The following ABLIM1 variants were observed in gnomAD, a reference collection of about 807,000 sequenced individuals.
The protein encoded by ABLIM1 is actin binding LIM protein 1, also known as actin-binding LIM protein 1.
In ABLIM1, 40 loss-of-function variants were observed where a neutral mutation model predicts 107.0. The ratio of observed to expected loss-of-function variants is 0.37; its 90% CI spans 0.29 to 0.49. The LOEUF (loss-of-function observed/expected upper bound fraction) is 0.49. ABLIM1 is among the 20% of genes least tolerant of loss of function. ABLIM1 has a pLI of 0.97. For synonymous variants in ABLIM1, 357 were observed against 357.3 expected, an observed-to-expected ratio of 1.00 and a Z score of 0.01; for missense variants, 857 against 1,008.5, an observed-to-expected ratio of 0.85 and a Z score of 2.04.
chr10:114,594,064 G>T (rs1223076218), intron 2 of ABLIM1, among the ~76,000 whole-genome samples: 7 of 152,168 alleles, frequency 4.6e-5, no homozygotes, highest in African/African-American at 1.7e-4. Context: ...GTTTGTGAAT[G>T]ACTAAGATTC....
At chr10:114,677,097 G>A (rs543700768) in intron 1 of ABLIM1, among the ~76,000 whole-genome samples, 4 of 152,150 alleles carry the variant, frequency 2.6e-5, no homozygotes, top group Admixed American at 2.6e-4. Context: ...CCCTCCCTCT[G>A]GGGGACCCTC....
At chr10:114,737,281 T>G (rs1324698945) in intron 1 of ABLIM1, among the ~76,000 whole-genome samples, 2 of 152,168 alleles carry the variant, frequency 1.3e-5, no homozygotes, top group African/African-American at 2.4e-5. Context: ...CACTCCAGCC[T>G]GGGCAACACA....
intron 4 of ABLIM1, among the ~76,000 whole-genome samples, chr10:114,567,591 A>T (rs1021954885): frequency 6.6e-6 from 1 of 152,198 alleles, no homozygotes; most frequent in Admixed American, 6.5e-5. Flanking sequence ...AACAATACAG[A>T]CATGGCAGCT....
intron 1 of ABLIM1, among the ~76,000 whole-genome samples, chr10:114,731,725 T>C (rs961159821): frequency 1.3e-5 from 2 of 152,124 alleles, no homozygotes; most frequent in Non-Finnish European, 1.5e-5. Flanking sequence ...TTCTCCTGCC[T>C]CAGCCTCCCA....
At chr10:114,553,062 C>T (rs2068274074) in intron 4 of ABLIM1, among the ~76,000 whole-genome samples, 2 of 151,390 alleles carry the variant, frequency 1.3e-5, no homozygotes, top group East Asian at 1.9e-4. Context: ...AGCCTGGGCA[C>T]CTATGTTCTC....
chr10:114,635,140 C>T (rs975297875), intron 1 of ABLIM1, among the ~76,000 whole-genome samples: 1 of 152,174 alleles, frequency 6.6e-6, no homozygotes, highest in Non-Finnish European at 1.5e-5. Flanking sequence ...ATACGGACAC[C>T]AACCCACGGT....
chr10:114,488,985 G>C (rs2058562169), intron 7 of ABLIM1, among the ~76,000 whole-genome samples: 1 of 152,116 alleles, frequency 6.6e-6, no homozygotes, highest in Admixed American at 6.6e-5. Flanking sequence ...ATGAATATCA[G>C]AGTTTCCACA....
chr10:114,440,210 T>C, intron 19 of ABLIM1, 121 bp from the exon 20 acceptor site: 4 of 1,035,870 alleles, frequency 3.9e-6, no homozygotes, highest in Non-Finnish European at 5.8e-6. Context: ...ATGTTCTTTT[T>C]CTGCTCCCAG....
At chr10:114,550,442 G>A (rs758573031) in intron 4 of ABLIM1, among the ~76,000 whole-genome samples, 1 of 151,944 alleles carries the variant, frequency 6.6e-6, no homozygotes, top group Non-Finnish European at 1.5e-5. Context: ...TGAGCAGAAG[G>A]TACGGAGATT....
intron 1 of ABLIM1, among the ~76,000 whole-genome samples, chr10:114,654,810 A>G (rs1380913774): frequency 1.3e-5 from 2 of 152,160 alleles, no homozygotes; most frequent in Non-Finnish European, 2.9e-5. Flanking sequence ...CATCTCTCCC[A>G]TACTGTGCAA....
At chr10:114,493,868 C>T (rs181674791) in intron 6 of ABLIM1, among the ~76,000 whole-genome samples, 1 of 152,290 alleles carries the variant, frequency 6.6e-6, no homozygotes, top group East Asian at 1.9e-4. Context: ...TCTAAATACC[C>T]ACAGGAATTT....
chr10:114,505,354 T>A (rs552992579), intron 6 of ABLIM1, among the ~76,000 whole-genome samples: 1 of 152,332 alleles, frequency 6.6e-6, no homozygotes, highest in African/African-American at 2.4e-5. Context: ...GGGCAAAAAC[T>A]TAAGGTTTCT....
At chr10:114,574,449 AT>A (rs796802241) in intron 3 of ABLIM1, among the ~76,000 whole-genome samples, 3,341 of 150,552 alleles carry the variant, frequency 0.022, 108 homozygotes, top group African/African-American at 0.069. Flanking sequence ...ATTTTATTTT[AT>A]TTTTTTTGAG....
At chr10:114,477,580 T>A (rs188286046) in intron 8 of ABLIM1, among the ~76,000 whole-genome samples, 2 of 152,328 alleles carry the variant, frequency 1.3e-5, no homozygotes, top group East Asian at 3.9e-4. Context: ...GCTCTTGTAC[T>A]GCATGTACTG....
intron 1 of ABLIM1, among the ~76,000 whole-genome samples, chr10:114,680,101 C>A (rs2080679935): frequency 6.6e-6 from 1 of 152,130 alleles, no homozygotes; most frequent in African/African-American, 2.4e-5. Flanking sequence ...GGATTCATAG[C>A]ACTGTTCAAC....
At chr10:114,647,658 G>T (rs925275172) in intron 1 of ABLIM1, among the ~76,000 whole-genome samples, 1 of 152,128 alleles carries the variant, frequency 6.6e-6, no homozygotes, top group Non-Finnish European at 1.5e-5. Flanking sequence ...CTACTCTATG[G>T]CATGAGAATT....
intron 1 of ABLIM1, among the ~76,000 whole-genome samples, chr10:114,727,325 A>G (rs576215548): frequency 1.6e-4 from 24 of 152,374 alleles, no homozygotes; most frequent in Admixed American, 1.3e-3. Flanking sequence ...TCTTGATACA[A>G]TATCAAAAGA....
At chr10:114,519,912 A>T (rs1338222883) in intron 6 of ABLIM1, among the ~76,000 whole-genome samples, 1 of 152,244 alleles carries the variant, frequency 6.6e-6, no homozygotes, top group Middle Eastern at 3.2e-3. Context: ...ACCTGGGTGA[A>T]ACTGGATTAT....
rs768431006 is a variant in ABLIM1 at position 114,657,951 on chromosome 10, A to G, written c.244+6T>C. ...AACCATGTCCAGAGAGGGTTATTTT[A>G]CTTACCAAAAGGATCAACGCTGTTA... On this transcript the variant is annotated splice_donor_region_variant and intron_variant, in intron 1 of 22. Transcript: ENST00000533213. 1 of 1,604,528 alleles carries G rather than the reference A, an allele frequency of 6.2e-7. No homozygotes were observed. Among genetic ancestry groups the G allele is most frequent in the South Asian group, 1.1e-5 (1 of 90,650 alleles).
Sources: allele counts gnomAD v4.1 joint callset (sites outside exome capture counted in the v4.1 genomes callset), GRCh38; gene constraint gnomAD v4.1.1; transcripts MANE v1.5; gene names NCBI Gene and HGNC (gene_info 2026-07-23, HGNC 2026-07-21).